The following LYST variants were observed in gnomAD, a reference collection of about 807,000 sequenced individuals.
The protein encoded by LYST is lysosomal trafficking regulator.
A neutral mutation model predicts 413.6 loss-of-function variants in LYST; 192 were observed. The observed-to-expected ratio is 0.46, with a 90% CI of 0.41 to 0.52. The LOEUF (loss-of-function observed/expected upper bound fraction) is 0.52, where lower values mean the gene tolerates loss of function less well. LYST is among the 20% of genes least tolerant of loss of function. The pLI is 0.00. For missense variants in LYST, 3,815 were observed against 4,499.9 expected (o/e 0.85, Z 4.35); for synonymous variants, 1,525 against 1,567.3 (o/e 0.97, Z 0.64).
At chr1:235,844,704 T>C (rs189731173) in intron 1 of LYST, among the ~76,000 whole-genome samples, 2 of 148,886 alleles carry the variant, frequency 1.3e-5, no homozygotes, top group Non-Finnish European at 3.0e-5. Flanking sequence ...ACAAACTTTT[T>C]AGACTACAAC....
chr1:235,879,480 C>T (rs1274706906), intron 1 of LYST, among the ~76,000 whole-genome samples: 3 of 152,160 alleles, frequency 2.0e-5, no homozygotes. Context: ...GGCTGTCTAA[C>T]CAGACACCTG....
intron 46 of LYST, among the ~76,000 whole-genome samples, chr1:235,696,670 C>T (rs997475793): frequency 6.6e-6 from 1 of 152,170 alleles, no homozygotes; most frequent in Non-Finnish European, 1.5e-5. Context: ...TTCAGGAATA[C>T]GTGTCTTTAA....
In LYST at chr1:235,825,705, TATC is replaced by T. The variant is rs1463925742; in HGVS notation, c.192+4518_192+4520del. Among the ~76,000 whole-genome samples, 3 of 152,364 alleles carry T rather than the reference TATC, an allele frequency of 2.0e-5. No individual in the cohort carries two copies. The East Asian group carries it at 5.8e-4, about 29-fold the overall frequency. On this transcript the variant is annotated intron_variant, in intron 3 of 52. Transcript: ENST00000389793. ...TAAAGAAGACATAAATAGAGTTTGA[TATC>T]ATGTTCATGCATTGGAAAACTCAAC... is the stretch of plus-strand genomic sequence containing the variant.
chr1:235,775,392 C>G (rs1452674157), intron 17 of LYST, among the ~76,000 whole-genome samples: 1 of 152,110 alleles, frequency 6.6e-6, no homozygotes, highest in African/African-American at 2.4e-5. Context: ...AATAGACAGG[C>G]TCTGCATTAT....
At chr1:235,723,590 T>C (rs1312755176) in intron 39 of LYST, among the ~76,000 whole-genome samples, 2 of 152,148 alleles carry the variant, frequency 1.3e-5, no homozygotes, top group Non-Finnish European at 2.9e-5. Context: ...CAAAGAAAGA[T>C]TATGACATTA....
Position 235,672,173 on chromosome 1 carries a change from G to A in LYST, c.11038+4918C>T, listed in dbSNP as rs141045358. ...GAATGTAGAATCAAGTTTTGTTTTG[G>A]CTGTGTTAAGTTGAAAATGCTGTGT... On this transcript the variant is annotated intron_variant, in intron 50 of 52. Transcript: ENST00000389793. Among the ~76,000 whole-genome samples, 1,163 of 152,264 alleles carry A rather than the reference G, an allele frequency of 7.6e-3. 17 individuals carry two copies. The highest frequency in any genetic ancestry group is 0.026 in the African/African-American group (1,083 of 41,550).
chr1:235,758,826 G>A (rs1241406280), intron 23 of LYST, 146 bp downstream of exon 23: 2 of 703,638 alleles, frequency 2.8e-6, no homozygotes, highest in Admixed American at 2.8e-5. Context: ...ATATCTTTCT[G>A]TTTGTTATTA....
intron 1 of LYST, among the ~76,000 whole-genome samples, chr1:235,843,286 T>C (rs1049168702): frequency 1.3e-5 from 2 of 152,196 alleles, no homozygotes; most frequent in African/African-American, 4.8e-5. Context: ...TATTTATTAA[T>C]ATGCTCCAGC....
At position 235,741,463 on chromosome 1, in the gene LYST, G is replaced by T; in HGVS notation, c.8317C>A (p.His2773Asn). The change falls in exon 31 of 53, where the codon CAT becomes AAT. Residue 2773 changes from histidine (H) to asparagine (N), a missense_variant. By Grantham distance (68) the His-to-Asn change is moderately conservative (BLOSUM62 1). This residue lies in a region of LYST where 771 missense variants were observed against 837.1 expected (regional missense o/e 0.92). Transcript: ENST00000389793. ...AGACAGTCTCGTAGTATTTCCTGAT[G>T]ATTTGGTTCATGAACTATTTCAAAA... ...QIFEIVHEPN[H>N]QEILRDCLSP... 6.2e-7 allele frequency: 1 copy of T among 1,614,104 alleles called. No individual in the cohort carries two copies. Among genetic ancestry groups the T allele is most frequent in the South Asian group, 1.1e-5 (1 of 91,080 alleles).
rs1276965146 is a variant in LYST at position 235,729,721 on chromosome 1, T to C, written c.9045-64A>G. 4 of 1,160,630 alleles carry C rather than the reference T, an allele frequency of 3.4e-6. No homozygotes were observed. The South Asian group carries it at 4.9e-5, about 14-fold the overall frequency. 71.9% of individuals were successfully genotyped at this position (1,160,630 alleles called of 1,614,324 possible). ...CTGACCAATTTCAGAGAGGATATGC[T>C]TTATTTTACCTAGTAAAAGATTTCT... On this transcript the variant is annotated intron_variant, in intron 36 of 52. Coordinates refer to ENST00000389793, the MANE Select transcript of LYST (RefSeq NM_000081.4).
At chr1:235,771,928 T>TG (rs1209142702) in intron 19 of LYST, among the ~76,000 whole-genome samples, 2 of 146,686 alleles carry the variant, frequency 1.4e-5, no homozygotes, top group African/African-American at 5.0e-5. Context: ...TTTTTTTTTT[T>TG]TTTTTTTTTT....
intron 18 of LYST, among the ~76,000 whole-genome samples, chr1:235,774,495 G>A (rs531749478): frequency 5.3e-5 from 8 of 152,244 alleles, no homozygotes; most frequent in Non-Finnish European, 1.0e-4. Context: ...AAATGAGCAC[G>A]AATATCTGTG....
intron 39 of LYST, among the ~76,000 whole-genome samples, chr1:235,721,313 T>C (rs961719298): frequency 1.1e-4 from 16 of 152,244 alleles, no homozygotes; most frequent in Non-Finnish European, 5.9e-5. Flanking sequence ...CCTTCTGTGC[T>C]ACAGTTACCA....
At chr1:235,680,462 A>G (rs915122299) in intron 48 of LYST, among the ~76,000 whole-genome samples, 1 of 151,796 alleles carries the variant, frequency 6.6e-6, no homozygotes, top group Non-Finnish European at 1.5e-5. Flanking sequence ...GGGTCTTGCT[A>G]TGCTGCCCAA....
At chr1:235,765,210 T>C (rs1310596391) in intron 21 of LYST, among the ~76,000 whole-genome samples, 4 of 152,172 alleles carry the variant, frequency 2.6e-5, no homozygotes, top group Non-Finnish European at 4.4e-5. Context: ...ACATATATTA[T>C]ACAACCAAAG....
chr1:235,812,934 G>T, intron 4 of LYST, 37 bp downstream of exon 4: 1 of 1,298,882 alleles, frequency 7.7e-7, no homozygotes, highest in South Asian at 1.2e-5. Flanking sequence ...ATGAAATTTT[G>T]ATAACACAAG....
At chr1:235,865,244 A>G (rs771379538) in intron 1 of LYST, among the ~76,000 whole-genome samples, 6 of 152,052 alleles carry the variant, frequency 3.9e-5, no homozygotes, top group Non-Finnish European at 8.8e-5. Context: ...GGCTCAAATG[A>G]TATCTTTTCT....
intron 4 of LYST, among the ~76,000 whole-genome samples, chr1:235,810,892 C>T (rs1673386618): frequency 6.6e-6 from 1 of 152,182 alleles, no homozygotes; most frequent in African/African-American, 2.4e-5. Context: ...GCCTGTAATC[C>T]CAGCACTTTG....
chr1:235,685,520 CA>C (rs1467928851), intron 48 of LYST, among the ~76,000 whole-genome samples: 2 of 151,924 alleles, frequency 1.3e-5, no homozygotes, highest in Non-Finnish European at 2.9e-5. Context: ...AGAAACTTAA[CA>C]AGAGTTCAAA....
Sources: gnomAD v4.1 joint callset for allele counts (sites outside exome capture counted in the v4.1 genomes callset) on GRCh38, gnomAD v4.1.1 for gene constraint, gnomAD v4.1.1 regional missense constraint, MANE v1.5 for transcripts, NCBI Gene and HGNC (gene_info 2026-07-23, HGNC 2026-07-21) for gene names.